DOK6: variants seen among roughly 807,000 people sequenced by gnomAD.
The protein encoded by DOK6 is docking protein 6, also known as downstream of tyrosine kinase 6.
A neutral mutation model predicts 44.0 loss-of-function variants in DOK6; 22 were observed. That is an observed-to-expected ratio of 0.50 (90% CI 0.36 to 0.71). DOK6 has a LOEUF of 0.71. Ranked by LOEUF, DOK6 falls within the 30% of genes least tolerant of loss-of-function variation. The pLI, the probability that DOK6 is intolerant of heterozygous loss-of-function variation, is 0.00. For synonymous variants in DOK6, 166 were observed against 145.5 expected (o/e 1.14, Z -1.01); for missense variants, 340 against 416.4 (o/e 0.82, Z 1.60).
chr18:69,689,833 C>T (rs148832621), intron 4 of DOK6, among the ~76,000 whole-genome samples: 56 of 152,016 alleles, frequency 3.7e-4, no homozygotes, highest in African/African-American at 1.0e-3. Context: ...TTTTAATATT[C>T]GTTAAACAGA....
At chr18:69,625,978 A>G (rs1363686429) in intron 3 of DOK6, among the ~76,000 whole-genome samples, 5 of 152,186 alleles carry the variant, frequency 3.3e-5, no homozygotes, top group Admixed American at 2.0e-4. Context: ...TGATCCCTAT[A>G]TTTCTGGACA....
intron 1 of DOK6, among the ~76,000 whole-genome samples, chr18:69,445,547 A>G (rs2122448877): frequency 6.6e-6 from 1 of 152,240 alleles, no homozygotes; most frequent in East Asian, 1.9e-4. Flanking sequence ...GGGGGATTTA[A>G]TCGAGGTCAT....
chr18:69,611,056 GAA>G (rs1450147537), intron 3 of DOK6, among the ~76,000 whole-genome samples: 1 of 150,882 alleles, frequency 6.6e-6, no homozygotes, highest in Non-Finnish European at 1.5e-5. Flanking sequence ...ACCAAAAAAA[GAA>G]TTTTAATTTT....
intron 1 of DOK6, among the ~76,000 whole-genome samples, chr18:69,435,526 T>A (rs1020902127): frequency 1.3e-5 from 2 of 152,204 alleles, no homozygotes; most frequent in Admixed American, 1.3e-4. Context: ...CATTCGATTG[T>A]CGACACAAAG....
chr18:69,475,439 T>C (rs1177300694), intron 1 of DOK6, among the ~76,000 whole-genome samples: 1 of 152,118 alleles, frequency 6.6e-6, no homozygotes, highest in Non-Finnish European at 1.5e-5. Flanking sequence ...ACATTAGAAG[T>C]ATGAAACAAA....
At chr18:69,699,132 G>A (rs111552350) in intron 5 of DOK6, among the ~76,000 whole-genome samples, 49 of 152,094 alleles carry the variant, frequency 3.2e-4, no homozygotes, top group South Asian at 8.3e-4. Context: ...TAATAAACAC[G>A]GATTTAGACA....
At chr18:69,710,104 G>A (rs576339328) in intron 5 of DOK6, among the ~76,000 whole-genome samples, 23 of 152,254 alleles carry the variant, frequency 1.5e-4, no homozygotes, top group Non-Finnish European at 3.1e-4. Context: ...ACCTGAACCC[G>A]GGAGTTTGAA....
intron 4 of DOK6, among the ~76,000 whole-genome samples, chr18:69,690,200 T>A (rs1464437185): frequency 6.6e-6 from 1 of 152,174 alleles, no homozygotes. Flanking sequence ...TTTTTTTTTT[T>A]TAAGTACTGC....
At chr18:69,738,761 A>T (rs1409829948) in intron 5 of DOK6, among the ~76,000 whole-genome samples, 1 of 152,052 alleles carries the variant, frequency 6.6e-6, no homozygotes, top group Admixed American at 6.6e-5. Context: ...CCAAATATAC[A>T]TGGATTTTTA....
At position 69,570,216 on chromosome 18, in the gene DOK6, A is replaced by T. The variant is rs144095223; in HGVS notation, c.174+5622A>T. Among the ~76,000 whole-genome samples the T allele has an allele frequency of 5.9e-3, 897 of 152,254 alleles. 8 individuals are homozygous for T. Among genetic ancestry groups the T allele is most frequent in the African/African-American group, 0.02 (834 of 41,544 alleles). On this transcript the variant is annotated intron_variant, in intron 2 of 7. Transcript: ENST00000382713. Reference sequence around the variant, plus strand: ...ATAAAAGTTAAACAATATATTTTTTAAAAAAGCAAAAACAAAATTCACCTG... The same window carrying T: ...ATAAAAGTTAAACAATATATTTTTTTAAAAAGCAAAAACAAAATTCACCTG...
At chr18:69,421,952 A>G (rs557389326) in intron 1 of DOK6, among the ~76,000 whole-genome samples, 36 of 152,332 alleles carry the variant, frequency 2.4e-4, no homozygotes, top group Non-Finnish European at 2.8e-4. Flanking sequence ...AAGCAAAGCA[A>G]AACAAAACAA....
At position 69,570,776 on chromosome 18, in the gene DOK6, C is replaced by A. The variant is rs149099662; in HGVS notation, c.174+6182C>A. The stretch of plus-strand genomic sequence containing the variant: ...ACATCTTTAGGATGACACACACACA[C>A]AAAAAAGTATCTTCAACCAAAAATT... On this transcript the variant is annotated intron_variant, in intron 2 of 7. Coordinates refer to ENST00000382713, the MANE Select transcript of DOK6 (RefSeq NM_152721.6). Among the ~76,000 whole-genome samples the A allele has an allele frequency of 5.2e-3, 796 of 151,906 alleles. 5 individuals are homozygous for A. The highest frequency in any genetic ancestry group is 0.013 in the African/African-American group (554 of 41,474).
At chr18:69,797,263 T>C (rs557230907) in intron 7 of DOK6, among the ~76,000 whole-genome samples, 27 of 152,284 alleles carry the variant, frequency 1.8e-4, no homozygotes, top group African/African-American at 5.8e-4. Context: ...TGAGAAGAGT[T>C]ACATCTTTTT....
intron 7 of DOK6, among the ~76,000 whole-genome samples, chr18:69,762,605 TAGC>T (rs1234176875): frequency 6.6e-6 from 1 of 152,248 alleles, no homozygotes; most frequent in Non-Finnish European, 1.5e-5. Context: ...GAATTAAATT[TAGC>T]AGACTACATT....
intron 3 of DOK6, among the ~76,000 whole-genome samples, chr18:69,644,522 C>T (rs577614578): frequency 1.3e-5 from 2 of 152,250 alleles, no homozygotes; most frequent in African/African-American, 4.8e-5. Context: ...TACCATTCCT[C>T]CATTGAACTG....
At chr18:69,686,193 T>C (rs907236075) in intron 4 of DOK6, among the ~76,000 whole-genome samples, 81 of 152,268 alleles carry the variant, frequency 5.3e-4, no homozygotes, top group African/African-American at 1.9e-3. Context: ...TCAACCCTGC[T>C]GGCACGCTGA....
At chr18:69,693,153 A>T (rs1313017482) in intron 4 of DOK6, among the ~76,000 whole-genome samples, 5 of 152,154 alleles carry the variant, frequency 3.3e-5, no homozygotes, top group African/African-American at 1.2e-4. Flanking sequence ...ATCTGTGGAA[A>T]ACCTAATGAG....
At chr18:69,438,535 T>C (rs1300253401) in intron 1 of DOK6, among the ~76,000 whole-genome samples, 1 of 152,186 alleles carries the variant, frequency 6.6e-6, no homozygotes, top group Non-Finnish European at 1.5e-5. Flanking sequence ...ATCAGCTTCT[T>C]TCAAACTCCC....
chr18:69,522,815 A>G (rs1214231264), intron 1 of DOK6, among the ~76,000 whole-genome samples: 3 of 152,104 alleles, frequency 2.0e-5, no homozygotes, highest in Admixed American at 1.3e-4. Flanking sequence ...TCTTCTAGCT[A>G]TTCAAAACCC....
Sources: allele counts gnomAD v4.1 joint callset (sites outside exome capture counted in the v4.1 genomes callset), GRCh38; gene constraint gnomAD v4.1.1; transcripts MANE v1.5; gene names NCBI Gene and HGNC (gene_info 2026-07-23, HGNC 2026-07-21).